The following ADK variants were observed in gnomAD, a reference collection of about 807,000 sequenced individuals.
The protein encoded by ADK is N6,N6-dimethyladenosine kinase.
ADK carries 24 observed loss-of-function variants against 44.7 expected under a neutral mutation model. That is an observed-to-expected ratio of 0.54 (90% CI 0.39 to 0.76). ADK has a LOEUF of 0.76. Among genes scored for constraint, ADK ranks in the 30% least tolerant of loss-of-function variants. The pLI is 0.00. For missense variants in ADK, 321 were observed against 425.1 expected, an observed-to-expected ratio of 0.76 and a Z score of 2.15; for synonymous variants, 128 against 142.6, an observed-to-expected ratio of 0.90 and a Z score of 0.73.
At chr10:74,491,056 ATAGAATTCTAATAGT>A (rs1847465199) in intron 6 of ADK, among the ~76,000 whole-genome samples, 1 of 152,156 alleles carries the variant, frequency 6.6e-6, no homozygotes, top group African/African-American at 2.4e-5. Context: ...TACTAGCCCT[ATAGAATTCTAATAGT>A]TAGGTTTTAT....
intron 3 of ADK, among the ~76,000 whole-genome samples, chr10:74,252,647 G>GT (rs1384914499): frequency 7.2e-5 from 11 of 152,212 alleles, no homozygotes; most frequent in African/African-American, 1.2e-4. Context: ...TATTCTGACA[G>GT]TTTCTGTAGG....
intron 1 of ADK, among the ~76,000 whole-genome samples, chr10:74,162,464 T>C (rs1380775325): frequency 6.6e-6 from 1 of 152,134 alleles, no homozygotes; most frequent in Non-Finnish European, 1.5e-5. Flanking sequence ...AGTGAGCTTG[T>C]GTGCAAAATC....
At chr10:74,372,060 T>C (rs895849672) in intron 4 of ADK, 38 of 759,518 alleles carry the variant, frequency 5.0e-5, no homozygotes, top group Non-Finnish European at 7.0e-5. Context: ...TTTGATGTGG[T>C]GGATGCCAGC....
chr10:74,620,274 T>G (rs1468751229), intron 9 of ADK, among the ~76,000 whole-genome samples: 1 of 152,220 alleles, frequency 6.6e-6, no homozygotes, highest in Non-Finnish European at 1.5e-5. Context: ...CTCCTCCTTC[T>G]TACCCTTCCC....
chr10:74,231,962 TC>T (rs201293842), intron 3 of ADK, among the ~76,000 whole-genome samples: 13 of 150,016 alleles, frequency 8.7e-5, no homozygotes, highest in Non-Finnish European at 1.2e-4. Context: ...TTTTTGTTTG[TC>T]TTTTTTTTTT....
chr10:74,188,735 CT>C (rs1842854997), intron 1 of ADK, among the ~76,000 whole-genome samples: 1 of 151,588 alleles, frequency 6.6e-6, no homozygotes, highest in African/African-American at 2.4e-5. Flanking sequence ...GTTTTTAAAC[CT>C]TTCTTGTTTT....
intron 6 of ADK, among the ~76,000 whole-genome samples, chr10:74,434,897 T>C (rs10740436): frequency 0.61 from 92,406 of 152,012 alleles, 30,459 homozygotes; most frequent in Middle Eastern, 0.78. Flanking sequence ...AGGGAATGGA[T>C]GACTTTGAAT....
intron 4 of ADK, among the ~76,000 whole-genome samples, chr10:74,336,413 G>C (rs1592063811): frequency 6.6e-6 from 1 of 151,938 alleles, no homozygotes; most frequent in East Asian, 1.9e-4. Flanking sequence ...ATACTTCTCT[G>C]ATTACTGTAG....
At chr10:74,450,690 A>T (rs1269778217) in intron 6 of ADK, among the ~76,000 whole-genome samples, 3 of 152,170 alleles carry the variant, frequency 2.0e-5, no homozygotes, top group African/African-American at 7.2e-5. Context: ...ATCTTTATAA[A>T]AATTCTCTGC....
chr10:74,537,595 G>A (rs1057281616), intron 7 of ADK, among the ~76,000 whole-genome samples: 3 of 152,020 alleles, frequency 2.0e-5, no homozygotes, highest in Non-Finnish European at 2.9e-5. Context: ...AATTAAGAAG[G>A]TTTTTTTAAA....
At chr10:74,173,074 T>C (rs959700218) in intron 1 of ADK, among the ~76,000 whole-genome samples, 1 of 152,054 alleles carries the variant, frequency 6.6e-6, no homozygotes, top group Non-Finnish European at 1.5e-5. Flanking sequence ...CTACCTGTTT[T>C]GGTATCAAAA....
intron 10 of ADK, among the ~76,000 whole-genome samples, chr10:74,680,204 ACTC>A (rs1855552523): frequency 6.7e-6 from 1 of 149,640 alleles, no homozygotes; most frequent in Admixed American, 6.7e-5. Context: ...AGTCCCAGCT[ACTC>A]GGGAGGCTGA....
chr10:74,409,393 C>G (rs1409844078), intron 6 of ADK, among the ~76,000 whole-genome samples: 1 of 152,120 alleles, frequency 6.6e-6, no homozygotes, highest in East Asian at 1.9e-4. Context: ...CCTGCGTAAA[C>G]AAGGTCAGCC....
At chr10:74,440,842 AACTT>A (rs1371968185) in intron 6 of ADK, among the ~76,000 whole-genome samples, 4 of 152,164 alleles carry the variant, frequency 2.6e-5, no homozygotes, top group Non-Finnish European at 5.9e-5. Context: ...TCAGATGTTA[AACTT>A]ACTTATTTAA....
At chr10:74,374,698 C>T (rs777038061) in intron 4 of ADK, among the ~76,000 whole-genome samples, 1 of 152,038 alleles carries the variant, frequency 6.6e-6, no homozygotes, top group Non-Finnish European at 1.5e-5. Flanking sequence ...CTATTATGGA[C>T]CCCATCTTTT....
intron 6 of ADK, among the ~76,000 whole-genome samples, chr10:74,481,138 T>G (rs1589154533): frequency 1.3e-5 from 2 of 152,214 alleles, no homozygotes; most frequent in Non-Finnish European, 2.9e-5. Flanking sequence ...ATTTCTTCCC[T>G]GATTACTTTG....
intron 7 of ADK, among the ~76,000 whole-genome samples, chr10:74,557,409 G>A (rs1027129139): frequency 6.6e-6 from 1 of 152,102 alleles, no homozygotes; most frequent in Non-Finnish European, 1.5e-5. Flanking sequence ...TAGAATAAAT[G>A]GCCAGAGATG....
rs147751385 is a variant in ADK, at chr10:74,348,423, A to G, written c.273+33678A>G. Among the ~76,000 whole-genome samples, 294 of 152,238 alleles carry G rather than the reference A, an allele frequency of 1.9e-3. 2 individuals carry two copies. The East Asian group carries it at 0.032, about 17-fold the overall frequency. On this transcript the variant is annotated intron_variant, in intron 4 of 10. Coordinates refer to ENST00000539909, the MANE Select transcript of ADK (RefSeq NM_006721.4). Reference sequence around the variant, plus strand: ...AAAAGGACCCCCACACAAAAACCCCATCCAAAGGTCATCAGCCTCAAAGAT... The same window carrying G: ...AAAAGGACCCCCACACAAAAACCCCGTCCAAAGGTCATCAGCCTCAAAGAT...
At chr10:74,426,899 A>G (rs556928451) in intron 6 of ADK, among the ~76,000 whole-genome samples, 1 of 152,094 alleles carries the variant, frequency 6.6e-6, no homozygotes, top group East Asian at 1.9e-4. Flanking sequence ...CCCATCAACT[A>G]TCACCTACAT....
Sources: gnomAD v4.1 joint callset for allele counts (sites outside exome capture counted in the v4.1 genomes callset) on GRCh38, gnomAD v4.1.1 for gene constraint, MANE v1.5 for transcripts, NCBI Gene and HGNC (gene_info 2026-07-23, HGNC 2026-07-21) for gene names.